Variants in NCOA3 observed in about 807,000 individuals in gnomAD.
The protein encoded by NCOA3 is nuclear receptor coactivator 3, also known as CBP-interacting protein.
NCOA3 carries 51 observed loss-of-function variants against 158.8 expected under a neutral mutation model. The observed-to-expected ratio is 0.32, with a 90% CI of 0.26 to 0.41. The LOEUF is 0.41. NCOA3 is among the 10% of genes least tolerant of loss of function. The pLI, the probability that NCOA3 is intolerant of heterozygous loss-of-function variation, is 1.00. For synonymous variants in NCOA3, 537 were observed against 592.4 expected (o/e 0.91, Z 1.36); for missense variants, 1,510 against 1,746.6 (o/e 0.86, Z 2.41).
At chr20:47,525,033 A>G (rs2084405321) in intron 1 of NCOA3, among the ~76,000 whole-genome samples, 1 of 148,982 alleles carries the variant, frequency 6.7e-6, no homozygotes, top group Non-Finnish European at 1.5e-5. Flanking sequence ...TCAGCAGATA[A>G]ACAAGTGAAC....
At chr20:47,538,480 TA>T (rs1243232029) in intron 1 of NCOA3, among the ~76,000 whole-genome samples, 2 of 152,196 alleles carry the variant, frequency 1.3e-5, no homozygotes, top group African/African-American at 4.8e-5. Flanking sequence ...AGATACTTTT[TA>T]AAAACATAAT....
At chr20:47,509,933 C>T (rs1241182825) in intron 1 of NCOA3, among the ~76,000 whole-genome samples, 6 of 152,018 alleles carry the variant, frequency 3.9e-5, no homozygotes, top group African/African-American at 7.3e-5. Context: ...TTGTCTTCAC[C>T]GCAGTTGGAA....
In NCOA3 at chr20:47,656,121, CCTA is replaced by C. The variant is rs1383123427; in HGVS notation, c.*2707_*2709del. ...TTTAGAATGTGGGATATTTCCAGTACCTACTTTTTTTTTTTTTTTTTGCTGAAT... is the reference window on the plus strand; with the variant it reads ...TTTAGAATGTGGGATATTTCCAGTACCTTTTTTTTTTTTTTTTTGCTGAAT... On this transcript the variant is annotated 3_prime_UTR_variant, in exon 23 of 23. Coordinates refer to ENST00000371998, the MANE Select transcript of NCOA3 (RefSeq NM_181659.3). The C allele has an allele frequency of 2.8e-5, 4 of 142,320 alleles. No individual in the cohort carries two copies. The highest frequency in any genetic ancestry group is 2.2e-4 in the South Asian group (1 of 4,624). 8.8% of individuals were successfully genotyped at this position (142,320 alleles called of 1,614,324 possible).
intron 1 of NCOA3, among the ~76,000 whole-genome samples, chr20:47,558,395 C>G (rs1188894794): frequency 1.3e-5 from 2 of 151,752 alleles, no homozygotes; most frequent in African/African-American, 4.8e-5. Flanking sequence ...TTTCCTCTTA[C>G]AAGGGCGCCA....
At chr20:47,545,223 C>G (rs1375851339) in intron 1 of NCOA3, among the ~76,000 whole-genome samples, 1 of 126,012 alleles carries the variant, frequency 7.9e-6, no homozygotes, top group African/African-American at 3.0e-5. Flanking sequence ...GTTGCCCAGG[C>G]TAGAGTGCAG....
intron 2 of NCOA3, among the ~76,000 whole-genome samples, chr20:47,598,444 T>A (rs1388027562): frequency 6.6e-6 from 1 of 151,936 alleles, no homozygotes; most frequent in East Asian, 1.9e-4. Flanking sequence ...CACGCGGTTC[T>A]CCTGCCTCAG....
chr20:47,610,276 G>T (rs1006477517), intron 2 of NCOA3, among the ~76,000 whole-genome samples: 2 of 152,142 alleles, frequency 1.3e-5, no homozygotes, highest in Admixed American at 1.3e-4. Context: ...CCAGGCCAGA[G>T]TGCGGTGATC....
rs1436017700 is a variant in NCOA3, at chr20:47,607,329, G to A, written c.-19-14900G>A. Among the ~76,000 whole-genome samples, 3 of 152,262 alleles carry A rather than the reference G, an allele frequency of 2.0e-5. No individual in the cohort carries two copies. In the East Asian group the frequency reaches 5.8e-4, roughly 29 times the overall value. On this transcript the variant is annotated intron_variant, in intron 2 of 22. Coordinates refer to ENST00000371998, the MANE Select transcript of NCOA3 (RefSeq NM_181659.3). ...TCTATAAAGGAAATCTCCCTTGTAA[G>A]GGTGTCTTCCTCATTACCAGGAAAA... is the stretch of plus-strand genomic sequence containing the variant.
At chr20:47,629,234 A>G (rs1048622817) in intron 8 of NCOA3, among the ~76,000 whole-genome samples, 5 of 152,136 alleles carry the variant, frequency 3.3e-5, no homozygotes, top group African/African-American at 9.7e-5. Flanking sequence ...TCAGTAACCT[A>G]TCTTCAGGAT....
intron 1 of NCOA3, among the ~76,000 whole-genome samples, chr20:47,569,671 AC>A (rs1205072141): frequency 6.6e-6 from 1 of 151,552 alleles, no homozygotes; most frequent in Non-Finnish European, 1.5e-5. Flanking sequence ...TGACGGAGAG[AC>A]CCTGTCTCAA....
intron 2 of NCOA3, among the ~76,000 whole-genome samples, chr20:47,594,695 A>AG (rs2085719572): frequency 7.2e-6 from 1 of 139,286 alleles, no homozygotes; most frequent in Non-Finnish European, 1.5e-5. Context: ...AAAAAAAAAA[A>AG]GAGAAGATGA....
At chr20:47,539,768 G>A (rs893230642) in intron 1 of NCOA3, among the ~76,000 whole-genome samples, 1 of 152,094 alleles carries the variant, frequency 6.6e-6, no homozygotes, top group South Asian at 2.1e-4. Flanking sequence ...CAAGTGATCC[G>A]CCTGCCTTGG....
intron 2 of NCOA3, among the ~76,000 whole-genome samples, chr20:47,584,912 G>A (rs1174148501): frequency 6.6e-6 from 1 of 152,062 alleles, no homozygotes; most frequent in Non-Finnish European, 1.5e-5. Flanking sequence ...CCCTCCTTAT[G>A]TGTGAATATT....
chr20:47,550,210 C>T (rs1216978194), intron 1 of NCOA3, among the ~76,000 whole-genome samples: 9 of 151,284 alleles, frequency 5.9e-5, no homozygotes, highest in East Asian at 5.9e-4. Flanking sequence ...TTTGGGAGGC[C>T]GAGGTGGGCA....
chr20:47,557,047 A>G (rs1434257750), intron 1 of NCOA3, among the ~76,000 whole-genome samples: 2 of 152,154 alleles, frequency 1.3e-5, no homozygotes, highest in Non-Finnish European at 2.9e-5. Context: ...CTAATAATAA[A>G]CCAGCTATTT....
chr20:47,589,657 G>A (rs2085594479), intron 2 of NCOA3, among the ~76,000 whole-genome samples: 1 of 152,080 alleles, frequency 6.6e-6, no homozygotes, highest in Admixed American at 6.6e-5. Flanking sequence ...TTATAGGCAT[G>A]AGCCACTGCA....
At chr20:47,642,596 A>T (rs143675515) in intron 17 of NCOA3, among the ~76,000 whole-genome samples, 1 of 152,294 alleles carries the variant, frequency 6.6e-6, no homozygotes, top group Non-Finnish European at 1.5e-5. Flanking sequence ...TACGATTGCG[A>T]TATTACTTTC....
intron 1 of NCOA3, among the ~76,000 whole-genome samples, chr20:47,525,858 T>C (rs1332899047): frequency 2.8e-4 from 6 of 21,626 alleles, no homozygotes; most frequent in East Asian, 1.5e-3. Context: ...TGCCCCTCAC[T>C]TCCCGGATGG....
At chr20:47,525,690 G>A (rs1191836879) in intron 1 of NCOA3, among the ~76,000 whole-genome samples, 6 of 134,350 alleles carry the variant, frequency 4.5e-5, no homozygotes, top group East Asian at 2.3e-4. Flanking sequence ...CCTCCCGGAC[G>A]GGGCGGCTGG....
Sources: allele counts gnomAD v4.1 joint callset (sites outside exome capture counted in the v4.1 genomes callset), GRCh38; gene constraint gnomAD v4.1.1; transcripts MANE v1.5; gene names NCBI Gene and HGNC (gene_info 2026-07-23, HGNC 2026-07-21).